The following RRM2 variants were observed in gnomAD, a reference collection of about 807,000 sequenced individuals.
RRM2 encodes ribonucleotide reductase regulatory subunit M2.
A neutral mutation model predicts 45.9 loss-of-function variants in RRM2; 6 were observed. The observed-to-expected ratio is 0.13, with a 90% CI of 0.07 to 0.26. The LOEUF (loss-of-function observed/expected upper bound fraction) is 0.26. RRM2 is among the 10% of genes least tolerant of loss of function. The pLI is 1.00. For synonymous variants in RRM2, 177 were observed against 173.0 expected (o/e 1.02, Z -0.18); for missense variants, 343 against 489.5 (o/e 0.70, Z 2.82).
chr2:10,126,844 T>G, intron 5 of RRM2, 31 bp from the exon 6 acceptor site: 2 of 1,560,588 alleles, frequency 1.3e-6, no homozygotes, highest in Non-Finnish European at 1.8e-6. Context: ...ACTGTAATGC[T>G]TCAATTGCTG....
chr2:10,165,706 C>G (rs754504717), intron 3 of RRM2, among the ~76,000 whole-genome samples: 1 of 152,186 alleles, frequency 6.6e-6, no homozygotes, highest in Non-Finnish European at 1.5e-5. Flanking sequence ...ACACCACACA[C>G]GAGGAAAGGC....
At chr2:10,135,569 A>G (rs1420863000), downstream of RRM2, among the ~76,000 whole-genome samples, 1 of 152,128 alleles carries the variant, frequency 6.6e-6, no homozygotes, top group Non-Finnish European at 1.5e-5. Flanking sequence ...GAAAGGGTCG[A>G]GATGCAGCAG....
At chr2:10,154,110 G>T (rs1663372854) in intron 3 of RRM2, among the ~76,000 whole-genome samples, 1 of 152,208 alleles carries the variant, frequency 6.6e-6, no homozygotes, top group Non-Finnish European at 1.5e-5. Flanking sequence ...GTTAGCTGTA[G>T]TCAACACCTA....
At chr2:10,142,196 G>A in intron 2 of RRM2, 3 of 1,567,330 alleles carry the variant, frequency 1.9e-6, no homozygotes, top group Non-Finnish European at 2.6e-6. Flanking sequence ...GGTCAGTGGA[G>A]TGGGTGTGTA....
intron 3 of RRM2, among the ~76,000 whole-genome samples, chr2:10,200,332 G>T (rs1314992114): frequency 6.6e-6 from 1 of 152,158 alleles, no homozygotes; most frequent in African/African-American, 2.4e-5. Flanking sequence ...AAGATAACCT[G>T]GGGTTCCTGG....
chr2:10,184,198 A>G (rs567283474), intron 3 of RRM2, among the ~76,000 whole-genome samples: 2 of 151,332 alleles, frequency 1.3e-5, no homozygotes, highest in South Asian at 2.1e-4. Context: ...GCTTGGTAAC[A>G]TCAGGACTGC....
rs764225360 is a variant in RRM2, at chr2:10,195,836, C to T, written n.483-14475C>T. On this transcript the variant is annotated intron_variant and non_coding_transcript_variant, in intron 3 of 3. Coordinates refer to the RRM2 transcript ENST00000381786. This position sits in a 1 kb window ranked among gnomAD's most constrained non-coding sequence, Gnocchi z 4.9. ...CTGGCCGATGCTGTGTTAGGATAAA[C>T]GTGCTAAGGAGGCTCTGGAAAAGAA... 2.6e-5 allele frequency among the ~76,000 whole-genome samples: 4 copies of T among 152,172 alleles called. No individual in the cohort carries two copies. The highest frequency in any genetic ancestry group is 6.5e-5 in the Admixed American group (1 of 15,284).
chr2:10,147,990 C>A (rs1459461772), intron 3 of RRM2, among the ~76,000 whole-genome samples: 2 of 151,696 alleles, frequency 1.3e-5, no homozygotes, highest in Admixed American at 1.3e-4. Flanking sequence ...AGTAAAAATA[C>A]AAAGTTAGCC....
Position 10,146,425 on chromosome 2 carries a change from G to C in RRM2, n.482+4050G>C, listed in dbSNP as rs146226510. Among the ~76,000 whole-genome samples, 231 of 152,348 alleles carry C rather than the reference G, an allele frequency of 1.5e-3. 4 individuals are homozygous for C. In the East Asian group the frequency reaches 0.039, roughly 26 times the overall value. On this transcript the variant is annotated intron_variant and non_coding_transcript_variant, in intron 3 of 3. Transcript: ENST00000381786. ...CCCTGGTAATTCTCATGTGCAGCTA[G>C]GGTGGGGCGCCTCTGCTCTGCGGAA...
At chr2:10,138,454 A>G (rs1386140616), upstream of RRM2, among the ~76,000 whole-genome samples, 4 of 151,850 alleles carry the variant, frequency 2.6e-5, no homozygotes, top group South Asian at 6.2e-4. Flanking sequence ...ACCATTAGCC[A>G]CTGTGCCTGG....
At position 10,203,275 on chromosome 2, in the gene RRM2, T is replaced by C. The variant is rs555085851; in HGVS notation, n.483-7036T>C. ...TTATCATACCATCCCAGGGGTGGTG[T>C]GGCTTAAGGATGGGTCTCGGGCTGG... On this transcript the variant is annotated intron_variant and non_coding_transcript_variant, in intron 3 of 3. Coordinates refer to the RRM2 transcript ENST00000381786. 3.3e-5 allele frequency among the ~76,000 whole-genome samples: 5 copies of C among 152,310 alleles called. No homozygotes were observed. The East Asian group carries it at 7.7e-4, about 24-fold the overall frequency.
chr2:10,203,618 G>A (rs112145855), intron 3 of RRM2, among the ~76,000 whole-genome samples: 2 of 152,156 alleles, frequency 1.3e-5, no homozygotes, highest in African/African-American at 4.8e-5. Flanking sequence ...AGGCGTGGTG[G>A]TGCAAGCCTG....
intron 3 of RRM2, among the ~76,000 whole-genome samples, chr2:10,177,515 A>G (rs987631373): frequency 6.6e-6 from 1 of 152,240 alleles, no homozygotes; most frequent in Admixed American, 6.5e-5. Flanking sequence ...ATGTTGATTC[A>G]ATGTCCTCAG....
intron 3 of RRM2, among the ~76,000 whole-genome samples, chr2:10,187,509 G>A (rs1376909569): frequency 6.6e-6 from 1 of 152,232 alleles, no homozygotes; most frequent in African/African-American, 2.4e-5. Flanking sequence ...TTCAGCAGTG[G>A]CCCTGGGGGA....
chr2:10,172,599 C>T lies in RRM2; in HGVS notation n.482+30224C>T, dbSNP rs1156506772. On this transcript the variant is annotated intron_variant and non_coding_transcript_variant, in intron 3 of 3. Coordinates refer to the RRM2 transcript ENST00000381786. The surrounding 1 kb of genome is among the most constrained non-coding windows in gnomAD (Gnocchi z 4.9). Reference sequence around the variant, plus strand: ...TTCAAAGACAACCTGTGCCCTTTCCCCAGCCCTCCGCATGGCATTAGAGAA... The same window carrying T: ...TTCAAAGACAACCTGTGCCCTTTCCTCAGCCCTCCGCATGGCATTAGAGAA... Among the ~76,000 whole-genome samples, 1 of 152,210 alleles carries T rather than the reference C, an allele frequency of 6.6e-6. No individual in the cohort carries two copies. Among genetic ancestry groups the T allele is most frequent in the East Asian group, 1.9e-4 (1 of 5,196 alleles).
Position 10,122,886 on chromosome 2 carries a change from AAGG to A in RRM2, c.91_93del (p.Glu31del), listed in dbSNP as rs1267937768. The A allele has an allele frequency of 1.3e-6, 2 of 1,593,846 alleles. No individual in the cohort carries two copies. The highest frequency in any genetic ancestry group is 2.3e-5 in the East Asian group (1 of 44,242). On this transcript the variant is annotated inframe_deletion, in exon 1 of 10. Transcript: ENST00000304567. ...GCTGAAGGGGCTCAGCTTGGTCGAC[AAGG>A]AGAACACGGTGAGCCCGCGGGGAGG... is the stretch of plus-strand genomic sequence containing the variant.
intron 5 of RRM2, among the ~76,000 whole-genome samples, chr2:10,126,183 A>G (rs1484308190): frequency 1.4e-4 from 7 of 51,436 alleles, no homozygotes; most frequent in Non-Finnish European, 2.6e-4. Flanking sequence ...AAAAAAAAAA[A>G]AAAAAAAAAG....
At chr2:10,193,639 C>A (rs990825307) in intron 3 of RRM2, among the ~76,000 whole-genome samples, 1 of 152,224 alleles carries the variant, frequency 6.6e-6, no homozygotes, top group African/African-American at 2.4e-5. Context: ...CTACCACACG[C>A]CCGGGGACCT....
At chr2:10,191,705 C>T (rs1375333738) in intron 3 of RRM2, among the ~76,000 whole-genome samples, 1 of 152,118 alleles carries the variant, frequency 6.6e-6, no homozygotes, top group Admixed American at 6.5e-5. Context: ...CCCAGCCCTC[C>T]TGACCAGGCT....
Sources: gnomAD v4.1 joint callset for allele counts (sites outside exome capture counted in the v4.1 genomes callset) on GRCh38, gnomAD v4.1.1 for gene constraint, Gnocchi (gnomAD v3.1) non-coding constraint, MANE v1.5 for transcripts, NCBI Gene and HGNC (gene_info 2026-07-23, HGNC 2026-07-21) for gene names.